Variants in ZNF618 observed in about 807,000 individuals in gnomAD.
The protein encoded by ZNF618 is neural precursor cell expressed, developmentally down-regulated 10.
Under a neutral mutation model 103.0 loss-of-function variants are expected in ZNF618, and 34 were observed. The ratio of observed to expected loss-of-function variants is 0.33; its 90% CI spans 0.25 to 0.44. ZNF618 has a LOEUF of 0.44. Ranked by LOEUF, ZNF618 falls within the 20% of genes least tolerant of loss-of-function variation. The pLI, the probability that ZNF618 is intolerant of heterozygous loss-of-function variation, is 1.00. For missense variants in ZNF618, 1,059 were observed against 1,295.4 expected, an observed-to-expected ratio of 0.82 and a Z score of 2.80; for synonymous variants, 551 against 542.2, an observed-to-expected ratio of 1.02 and a Z score of -0.23.
chr9:113,902,912 CT>C (rs1830683831), intron 1 of ZNF618, among the ~76,000 whole-genome samples: 2 of 152,194 alleles, frequency 1.3e-5, no homozygotes, highest in Non-Finnish European at 1.5e-5. Context: ...ACTGTCCCCC[CT>C]CACCCCAAAT....
chr9:113,998,302 AAGCC>A lies in ZNF618; in HGVS notation c.382_385del (p.Ser128GlyfsTer12). On this transcript the variant is annotated frameshift_variant, in exon 4 of 15. Coordinates refer to ENST00000374126, the MANE Select transcript of ZNF618 (RefSeq NM_001318042.2). LOFTEE classifies it high-confidence loss of function. ...GCAGCCCCCACGGTGGATCTGTGCG[AAGCC>A]GGTATTCAGGGACCTGGATTTTTGA... The A allele has an allele frequency of 1.0e-5, 16 of 1,550,604 alleles. No homozygotes were observed. The highest frequency in any genetic ancestry group is 1.3e-5 in the Non-Finnish European group (15 of 1,147,006).
chr9:113,929,988 T>G (rs1381099280), intron 1 of ZNF618, among the ~76,000 whole-genome samples: 1 of 152,218 alleles, frequency 6.6e-6, no homozygotes, highest in Non-Finnish European at 1.5e-5. Context: ...GATGAATGTG[T>G]TTTTAAAAGC....
intron 10 of ZNF618, among the ~76,000 whole-genome samples, chr9:114,020,993 A>T (rs991339750): frequency 6.6e-6 from 1 of 152,066 alleles, no homozygotes; most frequent in Non-Finnish European, 1.5e-5. Context: ...AGTTTTTCTT[A>T]TAAATTGATG....
chr9:113,991,871 G>C (rs771496372), intron 3 of ZNF618, among the ~76,000 whole-genome samples: 1 of 152,164 alleles, frequency 6.6e-6, no homozygotes, highest in Non-Finnish European at 1.5e-5. Context: ...GACAAGGGAC[G>C]TGTGGAGCTG....
intron 8 of ZNF618, 40 bp from the exon 9 acceptor site, chr9:114,008,437 T>TG (rs1391989094): frequency 4.3e-6 from 7 of 1,613,486 alleles, no homozygotes; most frequent in Middle Eastern, 1.6e-4. Flanking sequence ...TCCTGAGACC[T>TG]GGGGGACCAG....
intron 2 of ZNF618, among the ~76,000 whole-genome samples, chr9:113,980,096 G>A (rs529709613): frequency 1.6e-4 from 25 of 152,288 alleles, no homozygotes; most frequent in Admixed American, 1.4e-3. Flanking sequence ...AGTCGGGAGT[G>A]ACAGAAGAGG....
intron 1 of ZNF618, among the ~76,000 whole-genome samples, chr9:113,931,481 C>G (rs921632735): frequency 1.3e-5 from 2 of 152,104 alleles, no homozygotes; most frequent in East Asian, 3.9e-4. Flanking sequence ...ATGAGGCTTG[C>G]GACTCCAGAT....
intron 12 of ZNF618, 34 bp from the exon 13 acceptor site, chr9:114,036,266 A>C (rs1588425346): frequency 6.4e-7 from 1 of 1,552,228 alleles, no homozygotes; most frequent in Non-Finnish European, 8.7e-7. Flanking sequence ...CGTCGGTTCC[A>C]CCCCTCACGT....
At chr9:114,045,312 A>G (rs1408254212) in intron 13 of ZNF618, among the ~76,000 whole-genome samples, 23 of 152,022 alleles carry the variant, frequency 1.5e-4, no homozygotes, top group Non-Finnish European at 2.9e-5. Flanking sequence ...ATCAGTTCAT[A>G]TGTTTCCTTA....
chr9:114,005,233 C>T (rs533640998), intron 6 of ZNF618, among the ~76,000 whole-genome samples: 8 of 152,304 alleles, frequency 5.3e-5, no homozygotes, highest in African/African-American at 1.7e-4. Flanking sequence ...CCTCCCTGAA[C>T]GGATTCACAG....
At chr9:113,939,714 A>G (rs1834380061) in intron 1 of ZNF618, among the ~76,000 whole-genome samples, 1 of 151,994 alleles carries the variant, frequency 6.6e-6, no homozygotes, top group African/African-American at 2.4e-5. Flanking sequence ...AAAATGGTCT[A>G]TTTCATGTAT....
intron 1 of ZNF618, among the ~76,000 whole-genome samples, chr9:113,903,697 C>T (rs1027458562): frequency 7.2e-5 from 11 of 152,134 alleles, no homozygotes; most frequent in East Asian, 5.8e-4. Flanking sequence ...CTATAGAATT[C>T]GAGGTTGACA....
chr9:114,037,856 A>G (rs1319719147), intron 13 of ZNF618, among the ~76,000 whole-genome samples: 1 of 152,214 alleles, frequency 6.6e-6, no homozygotes, highest in African/African-American at 2.4e-5. Flanking sequence ...ACTTAAAATC[A>G]GGACAGAGCT....
Position 113,989,272 on chromosome 9 carries a change from G to GGGCGGCTGCTGCTC in ZNF618, c.337+693_337+706dup, listed in dbSNP as rs528221729. Among the ~76,000 whole-genome samples, 653 of 152,366 alleles carry GGGCGGCTGCTGCTC rather than the reference G, an allele frequency of 4.3e-3. 17 individuals are homozygous for GGGCGGCTGCTGCTC. Among genetic ancestry groups the GGGCGGCTGCTGCTC allele is most frequent in the Non-Finnish European group, 3.6e-3 (247 of 68,030 alleles). On this transcript the variant is annotated intron_variant, in intron 3 of 14. Coordinates refer to ENST00000374126, the MANE Select transcript of ZNF618 (RefSeq NM_001318042.2). ...AGAGAAGGCACGCCGCGTGTGTGGA[G>GGGCGGCTGCTGCTC]GGCGGCTGCTGCTCAGCTGCTGCAC...
intron 10 of ZNF618, among the ~76,000 whole-genome samples, chr9:114,022,599 A>G (rs2134051278): frequency 1.7e-5 from 1 of 58,440 alleles, no homozygotes; most frequent in South Asian, 7.9e-4. Context: ...TGTCCACTTG[A>G]CCAAAAAAAA....
chr9:114,045,483 C>T (rs929186389), intron 13 of ZNF618, among the ~76,000 whole-genome samples: 2 of 151,830 alleles, frequency 1.3e-5, no homozygotes, highest in African/African-American at 4.8e-5. Flanking sequence ...TATTATTTTC[C>T]CCCATTGAAT....
At chr9:113,918,125 T>G (rs1193177691) in intron 1 of ZNF618, among the ~76,000 whole-genome samples, 1 of 152,194 alleles carries the variant, frequency 6.6e-6, no homozygotes, top group Non-Finnish European at 1.5e-5. Context: ...CCCCACCGGT[T>G]GTTTTATAGA....
chr9:114,048,042 A>G (rs950985982), intron 14 of ZNF618, 48 bp downstream of exon 14: 1 of 1,477,068 alleles, frequency 6.8e-7, no homozygotes, highest in African/African-American at 1.4e-5. Context: ...CTTATGCTCC[A>G]GTTGTTCCTC....
At chr9:113,981,757 A>G (rs896031606) in intron 2 of ZNF618, among the ~76,000 whole-genome samples, 4 of 152,224 alleles carry the variant, frequency 2.6e-5, no homozygotes, top group African/African-American at 9.6e-5. Context: ...CAGGAGCCAA[A>G]AAGTTTTCAG....
Sources: gnomAD v4.1 joint callset for allele counts (sites outside exome capture counted in the v4.1 genomes callset) on GRCh38, gnomAD v4.1.1 for gene constraint, MANE v1.5 for transcripts, NCBI Gene and HGNC (gene_info 2026-07-23, HGNC 2026-07-21) for gene names.